The following SHANK2 variants were observed in gnomAD, a reference collection of about 807,000 sequenced individuals.
The protein encoded by SHANK2 is SH3 and multiple ankyrin repeat domains 2.
SHANK2 carries 43 observed loss-of-function variants against 133.7 expected under a neutral mutation model. The observed-to-expected ratio is 0.32, with a 90% CI of 0.25 to 0.41. The LOEUF is 0.41. Among genes scored for constraint, SHANK2 ranks in the 10% least tolerant of loss-of-function variants. SHANK2 has a pLI of 1.00. For synonymous variants in SHANK2, 1,017 were observed against 952.8 expected (o/e 1.07, Z -1.24); for missense variants, 1,994 against 2,235.8 (o/e 0.89, Z 2.18).
At chr11:70,576,667 C>G (rs531567049) in intron 17 of SHANK2, among the ~76,000 whole-genome samples, 1 of 152,104 alleles carries the variant, frequency 6.6e-6, no homozygotes, top group Admixed American at 6.6e-5. Flanking sequence ...AAAAACCCCA[C>G]ACTCCCAGGC....
intron 3 of SHANK2, among the ~76,000 whole-genome samples, chr11:71,122,190 T>C (rs1555101596): frequency 1.3e-5 from 2 of 152,174 alleles, no homozygotes; most frequent in African/African-American, 4.8e-5. Flanking sequence ...TAAAGACACA[T>C]GCACACGTAT....
chr11:70,910,378 T>A (rs1365347113), intron 10 of SHANK2, among the ~76,000 whole-genome samples: 1 of 152,220 alleles, frequency 6.6e-6, no homozygotes, highest in East Asian at 1.9e-4. Flanking sequence ...TCACGTGGTC[T>A]GTTTTCAGGG....
intron 11 of SHANK2, among the ~76,000 whole-genome samples, chr11:70,875,556 A>ACAACAACAG (rs1949546469): frequency 6.6e-6 from 1 of 151,496 alleles, no homozygotes; most frequent in Non-Finnish European, 1.5e-5. Context: ...AACAACAACA[A>ACAACAACAG]CAACAAATAT....
At chr11:70,624,991 A>G (rs2060885371) in intron 17 of SHANK2, among the ~76,000 whole-genome samples, 1 of 152,168 alleles carries the variant, frequency 6.6e-6, no homozygotes, top group South Asian at 2.1e-4. Context: ...CTCAATTCAG[A>G]CACCAGCTGC....
intron 2 of SHANK2, among the ~76,000 whole-genome samples, chr11:71,221,204 C>CAAA (rs782213118): frequency 3.7e-5 from 3 of 82,180 alleles, no homozygotes; most frequent in Non-Finnish European, 2.5e-5. Context: ...GACTCCATCT[C>CAAA]AAAAAAAAAA....
At chr11:71,147,782 C>T (rs1486741016) in intron 2 of SHANK2, among the ~76,000 whole-genome samples, 3 of 152,236 alleles carry the variant, frequency 2.0e-5, no homozygotes, top group Non-Finnish European at 2.9e-5. Flanking sequence ...ACATGGGCTT[C>T]AGGTCAGAAT....
intron 17 of SHANK2, among the ~76,000 whole-genome samples, chr11:70,576,223 G>T (rs1290200180): frequency 6.6e-6 from 1 of 152,106 alleles, no homozygotes; most frequent in Admixed American, 6.5e-5. Flanking sequence ...AGAGGCTGGG[G>T]GTACAGACAC....
In SHANK2 at chr11:70,529,941, C is replaced by T. The variant is rs553726409; in HGVS notation, c.2062-27010G>A. On this transcript the variant is annotated intron_variant, in intron 17 of 25. Transcript: ENST00000601538. Reference sequence around the variant, plus strand: ...AGTTGGTTTTTTTGCTTACCAGTTACGACCATTTATGGTTTGGGTTGTGGG... The same window carrying T: ...AGTTGGTTTTTTTGCTTACCAGTTATGACCATTTATGGTTTGGGTTGTGGG... Among the ~76,000 whole-genome samples the T allele has an allele frequency of 3.9e-5, 6 of 152,294 alleles. No homozygotes were observed. In the East Asian group the frequency reaches 5.8e-4, roughly 15 times the overall value.
intron 11 of SHANK2, among the ~76,000 whole-genome samples, chr11:70,887,413 A>G (rs1949764535): frequency 6.6e-6 from 1 of 151,408 alleles, no homozygotes; most frequent in Non-Finnish European, 1.5e-5. Flanking sequence ...TCACAGCATC[A>G]GACAACAGCA....
chr11:70,528,906 T>G (rs1014098443), intron 17 of SHANK2, among the ~76,000 whole-genome samples: 1 of 152,102 alleles, frequency 6.6e-6, no homozygotes, highest in Non-Finnish European at 1.5e-5. Flanking sequence ...GCTCCCCTGT[T>G]TGAAGAAATA....
chr11:70,893,532 C>T (rs1044609260), intron 11 of SHANK2, among the ~76,000 whole-genome samples: 3 of 152,218 alleles, frequency 2.0e-5, no homozygotes, highest in Non-Finnish European at 4.4e-5. Flanking sequence ...AGCCTCCACA[C>T]CCTTCATCTC....
intron 15 of SHANK2, among the ~76,000 whole-genome samples, chr11:70,671,389 C>T (rs1486218323): frequency 1.3e-5 from 2 of 152,166 alleles, no homozygotes; most frequent in Admixed American, 6.5e-5. Context: ...TCAACCTCGT[C>T]GAGCGCCAGT....
intron 15 of SHANK2, among the ~76,000 whole-genome samples, chr11:70,665,730 G>A (rs868996100): frequency 6.6e-5 from 10 of 152,330 alleles, no homozygotes; most frequent in Middle Eastern, 3.4e-3. Context: ...GACCTGCAAA[G>A]TTGGGGAGAA....
At chr11:71,189,720 A>C (rs547336295) in intron 2 of SHANK2, among the ~76,000 whole-genome samples, 1 of 152,352 alleles carries the variant, frequency 6.6e-6, no homozygotes, top group South Asian at 2.1e-4. Flanking sequence ...TGAGCCCACC[A>C]ACACTCAGAG....
At chr11:71,061,971 C>CTTTT (rs1216736346) in intron 9 of SHANK2, among the ~76,000 whole-genome samples, 1,156 of 109,438 alleles carry the variant, frequency 0.011, no homozygotes, top group Non-Finnish European at 0.013. Context: ...GTCTTTCTTT[C>CTTTT]TTTTTTTTTT....
At chr11:70,649,953 T>A (rs2061319644) in intron 17 of SHANK2, among the ~76,000 whole-genome samples, 1 of 152,194 alleles carries the variant, frequency 6.6e-6, no homozygotes, top group Non-Finnish European at 1.5e-5. Context: ...TGAACTGTGC[T>A]GCATGCTGGA....
At chr11:70,606,565 G>A (rs1591640802) in intron 17 of SHANK2, among the ~76,000 whole-genome samples, 1 of 142,132 alleles carries the variant, frequency 7.0e-6, no homozygotes, top group South Asian at 2.4e-4. Context: ...CAGCCTTACT[G>A]TGCAGACTTC....
At chr11:70,872,937 C>T (rs1390517202) in intron 11 of SHANK2, 1 of 462,698 alleles carries the variant, frequency 2.2e-6, no homozygotes, top group Non-Finnish European at 4.5e-6. Context: ...ACTGTCTGCC[C>T]TCTCCCCACA....
intron 11 of SHANK2, among the ~76,000 whole-genome samples, chr11:70,883,515 G>C (rs1949689519): frequency 6.6e-6 from 1 of 152,182 alleles, no homozygotes; most frequent in Non-Finnish European, 1.5e-5. Flanking sequence ...ACATGGGCAG[G>C]GACAATCCAG....
Sources: gnomAD v4.1 joint callset for allele counts (sites outside exome capture counted in the v4.1 genomes callset) on GRCh38, gnomAD v4.1.1 for gene constraint, MANE v1.5 for transcripts, NCBI Gene and HGNC (gene_info 2026-07-23, HGNC 2026-07-21) for gene names.